ADCY3: variants seen among roughly 807,000 people sequenced by gnomAD.
ADCY3 encodes adenylate cyclase 3, also known as adenylate cyclase type 3.
In ADCY3, 70 loss-of-function variants were observed where a neutral mutation model predicts 119.4. The observed-to-expected ratio is 0.59, with a 90% confidence interval of 0.48 to 0.72. ADCY3 has a LOEUF of 0.72. ADCY3 is among the 30% of genes least tolerant of loss of function. The pLI is 0.00. For synonymous variants in ADCY3, 672 were observed against 621.4 expected (o/e 1.08, Z -1.21); for missense variants, 1,238 against 1,541.6 (o/e 0.80, Z 3.30).
At chr2:24,894,054 T>C (rs777249698) in intron 2 of ADCY3, among the ~76,000 whole-genome samples, 1 of 152,240 alleles carries the variant, frequency 6.6e-6, no homozygotes, top group Non-Finnish European at 1.5e-5. Context: ...ATGATTTTTG[T>C]TTACCATTCT....
chr2:24,840,177 T>G (rs575890636), intron 6 of ADCY3, 146 bp from the exon 7 acceptor site: 4 of 1,153,574 alleles, frequency 3.5e-6, no homozygotes, highest in Admixed American at 5.5e-5. Flanking sequence ...TGGTGTTGGG[T>G]GGGGGGTAAG....
rs749979288 is a variant in ADCY3 at position 24,841,568 on chromosome 2, G to A, written c.1056C>T (p.Asp352=). 6.2e-7 allele frequency: 1 copy of A among 1,612,902 alleles called. No individual in the cohort carries two copies. The highest frequency in any genetic ancestry group is 1.1e-5 in the South Asian group (1 of 90,978). ...KLLNELFARF[D]KLAAKYHQLR... ...GCCAGGGACTTACAGCTGCCAGCTT[G>A]TCAAAGCGGGCAAAGAGCTCGTTGA... Residue 352 remains aspartate (D), a synonymous_variant, in exon 5 of 22, where the codon GAC becomes GAT. Transcript: ENST00000679454. This position sits in a 1 kb window ranked among gnomAD's most constrained non-coding sequence, Gnocchi z 5.8.
At chr2:24,889,741 C>A (rs1370366206) in intron 2 of ADCY3, among the ~76,000 whole-genome samples, 1 of 152,256 alleles carries the variant, frequency 6.6e-6, no homozygotes, top group South Asian at 2.1e-4. Flanking sequence ...GAGGCTGAGG[C>A]AGGAGAATCG....
At chr2:24,871,298 C>T (rs1001275839) in intron 3 of ADCY3, among the ~76,000 whole-genome samples, 3 of 152,190 alleles carry the variant, frequency 2.0e-5, no homozygotes, top group Non-Finnish European at 4.4e-5. Flanking sequence ...ACACAGGCCA[C>T]AGCAGCTCCT....
chr2:24,896,106 C>T (rs916611705), intron 2 of ADCY3, among the ~76,000 whole-genome samples: 20 of 152,104 alleles, frequency 1.3e-4, no homozygotes, highest in African/African-American at 4.8e-4. Flanking sequence ...TATATTCGGG[C>T]TGTGCACAGT....
intron 2 of ADCY3, among the ~76,000 whole-genome samples, chr2:24,892,739 A>G (rs1015420507): frequency 6.6e-6 from 1 of 152,218 alleles, no homozygotes; most frequent in African/African-American, 2.4e-5. Flanking sequence ...TTCCTCTGTC[A>G]TTATGAAATG....
chr2:24,842,213 G>A lies in ADCY3; in HGVS notation c.956+41C>T, dbSNP rs1392446989. ...TCCCACAAAGATGCAGCCCTCCACAGCCTGCTCTGCCATCAGAGCCCGCGC... is the reference window on the plus strand; with the variant it reads ...TCCCACAAAGATGCAGCCCTCCACAACCTGCTCTGCCATCAGAGCCCGCGC... On this transcript the variant is annotated intron_variant, in intron 4 of 21. Transcript: ENST00000679454. The surrounding 1 kb of genome is among the most constrained non-coding windows in gnomAD (Gnocchi z 4.9). 2 of 1,612,040 alleles carry A rather than the reference G, an allele frequency of 1.2e-6. No individual in the cohort carries two copies. The highest frequency in any genetic ancestry group is 2.2e-5 in the East Asian group (1 of 44,862).
chr2:24,821,631 A>G lies in ADCY3; in HGVS notation c.3013T>C (p.Ser1005Pro). Residue 1005 changes from serine to proline, a missense_variant, in exon 20 of 22, where the codon TCC becomes CCC. By Grantham distance (74) the Ser-to-Pro change is moderately conservative (BLOSUM62 -1). Transcript: ENST00000679454. ...AGGTGCTGCCAGCGCTCTCTCTCGG[A>G]CTTGTCTTCCTGTGCCAGGGGACCG... ...GFASSNKEDK[S>P]ERERWQHLAD... 6.2e-7 allele frequency: 1 copy of G among 1,614,002 alleles called. No homozygotes were observed. Among genetic ancestry groups the G allele is most frequent in the East Asian group, 2.2e-5 (1 of 44,878 alleles).
At chr2:24,827,758 C>T in intron 14 of ADCY3, 144 bp downstream of exon 14, 1 of 1,418,256 alleles carries the variant, frequency 7.1e-7, no homozygotes. Context: ...CGTCTGTGAG[C>T]AGCCAGGAAC....
At chr2:24,822,317 G>T in intron 19 of ADCY3, 194 bp downstream of exon 19, 1 of 726,658 alleles carries the variant, frequency 1.4e-6, no homozygotes, top group Non-Finnish European at 2.2e-6. Flanking sequence ...AGGGGGTTGT[G>T]TGTCTGTTCT....
intron 2 of ADCY3, among the ~76,000 whole-genome samples, chr2:24,895,371 G>A (rs775454643): frequency 1.3e-5 from 2 of 152,036 alleles, no homozygotes; most frequent in Non-Finnish European, 2.9e-5. Flanking sequence ...ACAGGCATGA[G>A]CCACCACGCC....
chr2:24,875,666 G>A, intron 2 of ADCY3, among the ~76,000 whole-genome samples: 1 of 152,176 alleles, frequency 6.6e-6, no homozygotes, highest in East Asian at 1.9e-4. Flanking sequence ...CCTGGGTGGG[G>A]AGTCCCCCTC....
chr2:24,840,395 A>G (rs1670857598), intron 6 of ADCY3: 3 of 394,912 alleles, frequency 7.6e-6, no homozygotes, highest in Middle Eastern at 4.2e-4. Flanking sequence ...TGAAGAAAAT[A>G]GCCGTGAACA....
At chr2:24,886,663 T>C (rs542087943) in intron 2 of ADCY3, among the ~76,000 whole-genome samples, 1 of 152,206 alleles carries the variant, frequency 6.6e-6, no homozygotes, top group African/African-American at 2.4e-5. Flanking sequence ...CCAGGCCAGT[T>C]CTCGCCACTC....
chr2:24,830,790 C>G lies in ADCY3; in HGVS notation c.2091G>C (p.Trp697Cys), dbSNP rs776466930. ...TCCTGGCCCAGCGGGTCCGGTCAAT[C>G]CAAGTTGAGAAGGCCACAAGCTTCT... is the stretch of plus-strand genomic sequence containing the variant. ...FPKKLVAFST[W>C]IDRTRWARNT... Residue 697 changes from tryptophan to cysteine, a missense_variant, in exon 13 of 22, where the codon TGG becomes TGC. Transcript: ENST00000679454. 2 of 1,614,050 alleles carry G rather than the reference C, an allele frequency of 1.2e-6. No individual in the cohort carries two copies. The highest frequency in any genetic ancestry group is 1.7e-6 in the Non-Finnish European group (2 of 1,180,006).
chr2:24,901,870 A>C (rs558420392), intron 2 of ADCY3, among the ~76,000 whole-genome samples: 2 of 152,214 alleles, frequency 1.3e-5, no homozygotes, highest in African/African-American at 4.8e-5. Flanking sequence ...TTTCCCTTCA[A>C]CAAAAGATTG....
intron 2 of ADCY3, among the ~76,000 whole-genome samples, chr2:24,905,072 G>T (rs1679317501): frequency 1.3e-5 from 2 of 151,980 alleles, no homozygotes; most frequent in Non-Finnish European, 2.9e-5. Context: ...GAGATGGGAA[G>T]GTACAGTTTG....
At chr2:24,913,453 G>A (rs760365143) in intron 2 of ADCY3, among the ~76,000 whole-genome samples, 1 of 152,222 alleles carries the variant, frequency 6.6e-6, no homozygotes, top group Non-Finnish European at 1.5e-5. Context: ...AGGAGGCCCA[G>A]ATGCCTGGGT....
intron 19 of ADCY3, 104 bp from the exon 20 acceptor site, chr2:24,821,744 G>T: frequency 6.7e-7 from 1 of 1,496,044 alleles, no homozygotes; most frequent in East Asian, 2.3e-5. Context: ...CCTACACCTA[G>T]ATGTTCAAGG....
Sources: gnomAD v4.1 joint callset for allele counts (sites outside exome capture counted in the v4.1 genomes callset) on GRCh38, gnomAD v4.1.1 for gene constraint, Gnocchi (gnomAD v3.1) non-coding constraint, MANE v1.5 for transcripts, NCBI Gene and HGNC (gene_info 2026-07-23, HGNC 2026-07-21) for gene names.